The following LCOR variants were observed in gnomAD, a reference collection of about 807,000 sequenced individuals.
LCOR encodes the protein ligand-dependent corepressor.
LCOR carries 14 observed loss-of-function variants against 64.4 expected under a neutral mutation model. The observed-to-expected ratio is 0.22, with a 90% CI of 0.14 to 0.34. The LOEUF (loss-of-function observed/expected upper bound fraction) is 0.34, where lower values mean the gene tolerates loss of function less well. Among genes scored for constraint, LCOR ranks in the 10% least tolerant of loss-of-function variants. The pLI is 1.00. For missense variants in LCOR, 1,686 were observed against 1,765.3 expected, an observed-to-expected ratio of 0.96 and a Z score of 0.80; for synonymous variants, 643 against 642.5, an observed-to-expected ratio of 1.00 and a Z score of -0.01.
intron 7 of LCOR, chr10:96,962,960 C>T (rs1178656561): frequency 1.3e-5 from 2 of 152,222 alleles, no homozygotes; most frequent in Non-Finnish European, 2.9e-5. Context: ...AATTCAGGTA[C>T]TTTGATGCTA....
chr10:96,860,064 A>G (rs1004568807), intron 2 of LCOR, among the ~76,000 whole-genome samples: 4 of 152,168 alleles, frequency 2.6e-5, no homozygotes, highest in Non-Finnish European at 2.9e-5. Flanking sequence ...TGGTTCTTCA[A>G]ATGAAAATTG....
intron 2 of LCOR, among the ~76,000 whole-genome samples, chr10:96,856,647 T>C (rs936426177): frequency 5.3e-5 from 8 of 151,936 alleles, no homozygotes; most frequent in Non-Finnish European, 7.4e-5. Flanking sequence ...AGCTAATCTT[T>C]TATTATTTTT....
chr10:96,858,864 G>A (rs1385639017), intron 2 of LCOR, among the ~76,000 whole-genome samples: 1 of 152,080 alleles, frequency 6.6e-6, no homozygotes, highest in Non-Finnish European at 1.5e-5. Context: ...GGTGGATAGG[G>A]CCATCTGTGT....
Position 96,984,781 on chromosome 10 carries a change from G to A in LCOR, c.4321G>A (p.Asp1441Asn), listed in dbSNP as rs202072865. ...TGCTGCCAAGAGGCCAGCTGCAAGG[G>A]ACAGAAGCAGCCAACCCCCCAAAAA... ...TPAAKRPAAR[D>N]RSSQPPKKTS... is the part of the protein sequence containing the mutation. Residue 1441 changes from aspartate (D) to asparagine (N), a missense_variant, in exon 8 of 8, where the codon GAC becomes AAC. Physicochemically the swap from Asp to Asn is conservative, Grantham distance 23 (BLOSUM62 1). Coordinates refer to ENST00000421806, the MANE Select transcript of LCOR (RefSeq NM_001346516.2). The A allele has an allele frequency of 2.8e-4, 454 of 1,613,934 alleles. No homozygotes were observed. The highest frequency in any genetic ancestry group is 3.6e-4 in the Non-Finnish European group (430 of 1,180,014).
chr10:96,941,221 G>C (rs1184372082), intron 4 of LCOR, among the ~76,000 whole-genome samples: 2 of 139,314 alleles, frequency 1.4e-5, no homozygotes, highest in Non-Finnish European at 3.1e-5. Context: ...GGACGGGGCG[G>C]CTGGCCGGGC....
intron 2 of LCOR, among the ~76,000 whole-genome samples, chr10:96,903,996 CAG>C (rs1846686501): frequency 6.6e-6 from 1 of 152,044 alleles, no homozygotes; most frequent in Admixed American, 6.5e-5. Context: ...CTTGAAAAGA[CAG>C]TGTTTTGTAA....
chr10:96,920,461 C>CAT (rs374993931), intron 4 of LCOR, among the ~76,000 whole-genome samples: 238 of 13,558 alleles, frequency 0.018, 4 homozygotes, highest in East Asian at 0.065. Flanking sequence ...TATGTATATT[C>CAT]ATATATGTGT....
intron 2 of LCOR, among the ~76,000 whole-genome samples, chr10:96,865,405 C>T (rs534205753): frequency 6.7e-4 from 102 of 152,200 alleles, no homozygotes; most frequent in Non-Finnish European, 1.3e-3. Flanking sequence ...TACAGTTGCT[C>T]CCATTGGAGA....
intron 4 of LCOR, among the ~76,000 whole-genome samples, chr10:96,937,803 GACAAAT>G (rs1259329963): frequency 6.6e-6 from 1 of 152,048 alleles, no homozygotes; most frequent in Non-Finnish European, 1.5e-5. Context: ...GAAAACTACA[GACAAAT>G]ACCATTTATG....
At chr10:96,915,763 C>T in intron 4 of LCOR, 1 of 627,918 alleles carries the variant, frequency 1.6e-6, no homozygotes, top group Non-Finnish European at 3.0e-6. Flanking sequence ...TCTCTCCCTC[C>T]TTTGCAGGGC....
chr10:96,876,235 A>G (rs1293399187), intron 2 of LCOR, among the ~76,000 whole-genome samples: 1 of 152,222 alleles, frequency 6.6e-6, no homozygotes, highest in Non-Finnish European at 1.5e-5. Flanking sequence ...AGGGCACCTC[A>G]TGGGAGAGAG....
chr10:96,873,613 TG>T (rs1294286050), intron 2 of LCOR, among the ~76,000 whole-genome samples: 10 of 143,974 alleles, frequency 6.9e-5, no homozygotes, highest in Non-Finnish European at 1.2e-4. Context: ...TGTGTGTGTG[TG>T]TGTTTTGAGA....
intron 2 of LCOR, among the ~76,000 whole-genome samples, chr10:96,901,018 C>T (rs2134445781): frequency 6.6e-6 from 1 of 151,902 alleles, no homozygotes; most frequent in East Asian, 1.9e-4. Context: ...TGAAACCCCG[C>T]CTCCACTAAA....
chr10:96,984,686 A>G lies in LCOR; in HGVS notation c.4226A>G (p.Asp1409Gly), dbSNP rs771062212. 3.1e-6 allele frequency: 5 copies of G among 1,614,188 alleles called. No homozygotes were observed. The highest frequency in any genetic ancestry group is 2.2e-5 in the East Asian group (1 of 44,888). ...AGAACAGAAGGCAGCAGCCCTCCAG[A>G]TAGTAAGAACAAGGGGCCTACGGTG... ...RKRTEGSSPP[D>G]SKNKGPTVKA... is the part of the protein sequence containing the mutation. Residue 1409 changes from aspartate to glycine, a missense_variant, in exon 8 of 8, where the codon GAT becomes GGT. Asp to Gly is a moderately conservative substitution (Grantham distance 94, BLOSUM62 -1). This residue lies in a region of LCOR where 1,293 missense variants were observed against 1,410.4 expected (regional missense o/e 0.92). Transcript: ENST00000421806.
At position 96,981,296 on chromosome 10, in the gene LCOR, T is replaced by G; in HGVS notation, c.836T>G (p.Val279Gly). The G allele has an allele frequency of 6.7e-7, 1 of 1,482,704 alleles. No individual in the cohort carries two copies. Among genetic ancestry groups the G allele is most frequent in the Non-Finnish European group, 9.4e-7 (1 of 1,066,152 alleles). 91.8% of individuals were successfully genotyped at this position (1,482,704 alleles called of 1,614,324 possible). A position where few individuals can be genotyped will look rare whatever the true frequency, so the allele number is the denominator to read the frequency against. ...CTCACTGCATCTAATTGTTCCTCAG[T>G]GAACTTCCACCACATCCCTAAAATC... is the stretch of plus-strand genomic sequence containing the variant. ...GYLTASNCSS[V>G]NFHHIPKILE... Residue 279 changes from valine (V) to glycine (G), a missense_variant, in exon 8 of 8, where the codon GTG becomes GGG. Physicochemically the swap from Val to Gly is moderately radical, Grantham distance 109 (BLOSUM62 -3). Around this residue, in one of 3 missense-constraint regions of LCOR, gnomAD observed 313 missense variants for 247.2 expected, o/e 1.27. Coordinates refer to ENST00000421806, the MANE Select transcript of LCOR (RefSeq NM_001346516.2).
At chr10:96,832,511 C>T (rs911414965) in intron 1 of LCOR, 112 bp downstream of exon 1, 24 of 253,696 alleles carry the variant, frequency 9.5e-5, no homozygotes, top group Admixed American at 2.0e-4. Flanking sequence ...CGCCCGCCCT[C>T]TTTGGCTCGA....
At chr10:96,966,438 C>A (rs1277860317) in intron 7 of LCOR, among the ~76,000 whole-genome samples, 1 of 151,902 alleles carries the variant, frequency 6.6e-6, no homozygotes, top group African/African-American at 2.4e-5. Context: ...CCGTGTTAGC[C>A]AAGATGGTAT....
In LCOR at chr10:96,982,170, G is replaced by C. The variant is rs573045503; in HGVS notation, c.1710G>C (p.Lys570Asn). 1 of 1,614,130 alleles carries C rather than the reference G, an allele frequency of 6.2e-7. No individual in the cohort carries two copies. Among genetic ancestry groups the C allele is most frequent in the Admixed American group, 1.7e-5 (1 of 60,010 alleles). Residue 570 changes from lysine to asparagine, a missense_variant, in exon 8 of 8, where the codon AAG (lysine) becomes AAC (asparagine). By Grantham distance (94) the Lys-to-Asn change is moderately conservative. Transcript: ENST00000421806. ...AAGACAACCCTGAAGAACCTAGCAAGGAAATCACCTCTCACGAGGAAGGAG... is the reference window on the plus strand; with the variant it reads ...AAGACAACCCTGAAGAACCTAGCAACGAAATCACCTCTCACGAGGAAGGAG... ...PREDNPEEPS[K>N]EITSHEEGGG...
At chr10:96,902,594 AAT>A (rs1372898421) in intron 2 of LCOR, among the ~76,000 whole-genome samples, 1 of 152,204 alleles carries the variant, frequency 6.6e-6, no homozygotes, top group Non-Finnish European at 1.5e-5. Context: ...AAGATTGTAT[AAT>A]CTAGTGTTCT....
Sources: allele counts gnomAD v4.1 joint callset (sites outside exome capture counted in the v4.1 genomes callset), GRCh38; gene constraint gnomAD v4.1.1; regional missense constraint gnomAD v4.1.1; transcripts MANE v1.5; gene names NCBI Gene and HGNC (gene_info 2026-07-23, HGNC 2026-07-21).